The following DAGLA variants were observed in gnomAD, a reference collection of about 807,000 sequenced individuals.
The protein encoded by DAGLA is diacylglycerol lipase-alpha.
DAGLA carries 22 observed loss-of-function variants against 102.6 expected under a neutral mutation model. The ratio of observed to expected loss-of-function variants is 0.21; its 90% CI spans 0.15 to 0.31. The LOEUF is 0.31. Among genes scored for constraint, DAGLA ranks in the 10% least tolerant of loss-of-function variants. The pLI is 1.00. For missense variants in DAGLA, 927 were observed against 1,446.6 expected (o/e 0.64, Z 5.83); for synonymous variants, 578 against 628.9 (o/e 0.92, Z 1.21).
rs2065359118 is a variant in DAGLA at position 61,729,760 on chromosome 11, G to A, written c.849+752G>A. On this transcript the variant is annotated intron_variant, in intron 8 of 19. Coordinates refer to ENST00000257215, the MANE Select transcript of DAGLA (RefSeq NM_006133.3). Reference sequence around the variant, plus strand: ...TGCCAGCCAGGATGCTGATGGAAAGGATTCCGTCTCTTAGAAATCTCAGTC... The same window carrying A: ...TGCCAGCCAGGATGCTGATGGAAAGAATTCCGTCTCTTAGAAATCTCAGTC... 2.0e-5 allele frequency among the ~76,000 whole-genome samples: 3 copies of A among 152,290 alleles called. No homozygotes were observed. In the South Asian group the frequency reaches 6.2e-4, roughly 32 times the overall value.
rs75488604 is a variant in DAGLA, at chr11:61,704,992, C to T, written c.-44-15120C>T. 3.2e-3 allele frequency among the ~76,000 whole-genome samples: 488 copies of T among 152,276 alleles called. 2 individuals carry two copies. The highest frequency in any genetic ancestry group is 0.011 in the African/African-American group (438 of 41,552). ...CTCCTGGACTGACATCCTGACCTGC[C>T]GTGCCCGGGCTCGCCTGAGCTCGGG... On this transcript the variant is annotated intron_variant, in intron 1 of 19. Coordinates refer to ENST00000257215, the MANE Select transcript of DAGLA (RefSeq NM_006133.3).
chr11:61,708,060 T>G (rs988128372), intron 1 of DAGLA, among the ~76,000 whole-genome samples: 1 of 152,168 alleles, frequency 6.6e-6, no homozygotes, highest in Admixed American at 6.5e-5. Flanking sequence ...CAGGCTGGAG[T>G]GCAGTGACGC....
At chr11:61,720,458 G>T (rs1249465406) in intron 2 of DAGLA, among the ~76,000 whole-genome samples, 3 of 152,174 alleles carry the variant, frequency 2.0e-5, no homozygotes, top group African/African-American at 7.2e-5. Context: ...ACACTGGGGG[G>T]AGTTGCTGCT....
chr11:61,723,705 T>C (rs1288495149), intron 5 of DAGLA, 133 bp downstream of exon 5: 14 of 1,137,642 alleles, frequency 1.2e-5, no homozygotes, highest in Non-Finnish European at 1.6e-5. Context: ...TGGGCATTAG[T>C]CAAAGGGCTT....
chr11:61,739,605 C>G lies in DAGLA; in HGVS notation c.1797C>G (p.Leu599=). ...LTIALSASTP[L]YPPGRIIHVV... is the part of the protein sequence containing the mutation. ...TAGCCCTCTCAGCCAGCACTCCACT[C>G]TACCCGCCCGGCCGCATCATCCACG... The change falls in exon 17 of 20, where the codon CTC becomes CTG. Residue 599 remains leucine, a synonymous_variant. Transcript: ENST00000257215. The G allele has an allele frequency of 6.2e-7, 1 of 1,614,126 alleles. No homozygotes were observed.
intron 15 of DAGLA, 57 bp from the exon 16 acceptor site, chr11:61,738,078 A>G: frequency 1.4e-6 from 2 of 1,428,386 alleles, no homozygotes; most frequent in East Asian, 2.3e-5. Flanking sequence ...CTGGCCCCAT[A>G]CCTCTCATAG....
At chr11:61,743,444 C>T in intron 19 of DAGLA, 88 bp from the exon 20 acceptor site, 1 of 995,056 alleles carries the variant, frequency 1.0e-6, no homozygotes, top group East Asian at 2.5e-5. Flanking sequence ...CCCTTTATTC[C>T]CTGCAAGTTC....
intron 8 of DAGLA, among the ~76,000 whole-genome samples, chr11:61,730,916 C>T (rs2135594011): frequency 6.6e-6 from 1 of 152,342 alleles, no homozygotes; most frequent in African/African-American, 2.4e-5. Context: ...TGGGGCCTCT[C>T]AGGGCTACAT....
At chr11:61,722,551 A>T (rs1039355333) in intron 3 of DAGLA, among the ~76,000 whole-genome samples, 12 of 152,120 alleles carry the variant, frequency 7.9e-5, no homozygotes, top group Non-Finnish European at 1.3e-4. Flanking sequence ...ACACCATTGC[A>T]CTCCAGCCTG....
intron 19 of DAGLA, 56 bp from the exon 20 acceptor site, chr11:61,743,476 T>C: frequency 1.4e-6 from 2 of 1,392,736 alleles, no homozygotes; most frequent in Non-Finnish European, 9.6e-7. Flanking sequence ...GGAGCTGGGG[T>C]TCAGTCCCCT....
chr11:61,741,333 C>T lies in DAGLA; in HGVS notation c.2155C>T (p.Arg719Cys), dbSNP rs768635350. The part of the protein sequence containing the change: ...LALELPTADH[R>C]NSSVRSKSQS... ...CCTGGAGCTGCCGACTGCAGACCAC[C>T]GCAACAGCAGCGTCAGGTGAGCCTT... The change falls in exon 19 of 20, where the codon CGC (arginine) becomes TGC (cysteine). Residue 719 changes from arginine to cysteine, a missense_variant. Coordinates refer to ENST00000257215, the MANE Select transcript of DAGLA (RefSeq NM_006133.3). The T allele has an allele frequency of 1.5e-5, 24 of 1,607,930 alleles. No individual in the cohort carries two copies. Among genetic ancestry groups the T allele is most frequent in the African/African-American group, 4.0e-5 (3 of 75,032 alleles).
Position 61,739,549 on chromosome 11 carries a change from C to G in DAGLA, c.1741C>G (p.Arg581Gly), listed in dbSNP as rs766441182. 6 of 1,614,132 alleles carry G rather than the reference C, an allele frequency of 3.7e-6. No individual in the cohort carries two copies. The highest frequency in any genetic ancestry group is 5.1e-6 in the Non-Finnish European group (6 of 1,180,028). The change falls in exon 17 of 20, where the codon CGG becomes GGG. Residue 581 changes from arginine to glycine, a missense_variant. Transcript: ENST00000257215. ...AGAGGTGACCACCCTGGCCAGCACG[C>G]GGCTCTGGACCCACCCCAGCGACCT... is the stretch of plus-strand genomic sequence containing the variant. ...EVEVTTLAST[R>G]LWTHPSDLTI...
At chr11:61,703,718 A>ATGG (rs1565250414) in intron 1 of DAGLA, among the ~76,000 whole-genome samples, 3 of 98,132 alleles carry the variant, frequency 3.1e-5, no homozygotes, top group South Asian at 3.7e-4. Context: ...TGGATGGATG[A>ATGG]ATGGATTGTA....
At chr11:61,714,511 T>C (rs1591037578) in intron 1 of DAGLA, among the ~76,000 whole-genome samples, 1 of 152,176 alleles carries the variant, frequency 6.6e-6, no homozygotes, top group Non-Finnish European at 1.5e-5. Flanking sequence ...TCTAGGAGGG[T>C]TAGGCATCTT....
At chr11:61,710,488 G>A (rs1358890151) in intron 1 of DAGLA, among the ~76,000 whole-genome samples, 2 of 152,156 alleles carry the variant, frequency 1.3e-5, no homozygotes, top group African/African-American at 2.4e-5. Context: ...GAGTGTTCTA[G>A]AGTCTTGTGG....
intron 9 of DAGLA, among the ~76,000 whole-genome samples, chr11:61,733,282 G>T (rs924457364): frequency 3.9e-5 from 6 of 152,194 alleles, no homozygotes; most frequent in Non-Finnish European, 8.8e-5. Context: ...GCTGAGGTTG[G>T]AGAGGGAACA....
intron 1 of DAGLA, among the ~76,000 whole-genome samples, chr11:61,687,596 G>A (rs536284422): frequency 6.6e-6 from 1 of 152,332 alleles, no homozygotes; most frequent in African/African-American, 2.4e-5. Flanking sequence ...GCCTCCCAAA[G>A]TGTTGGGCTT....
At chr11:61,697,586 A>C (rs949378699) in intron 1 of DAGLA, among the ~76,000 whole-genome samples, 13 of 152,024 alleles carry the variant, frequency 8.6e-5, no homozygotes, top group African/African-American at 3.1e-4. Flanking sequence ...AGCTGTCTAC[A>C]TCCTTCCTCA....
chr11:61,731,108 T>C (rs144404194), intron 8 of DAGLA, among the ~76,000 whole-genome samples: 111 of 152,350 alleles, frequency 7.3e-4, no homozygotes, highest in African/African-American at 2.5e-3. Flanking sequence ...ATTCGTGTCC[T>C]GGTTGCATGG....
Sources: gnomAD v4.1 joint callset for allele counts (sites outside exome capture counted in the v4.1 genomes callset) on GRCh38, gnomAD v4.1.1 for gene constraint, MANE v1.5 for transcripts, NCBI Gene and HGNC (gene_info 2026-07-23, HGNC 2026-07-21) for gene names.